Variants in STARD13 observed in about 807,000 individuals in gnomAD.
The protein encoded by STARD13 is stAR-related lipid transfer protein 13.
STARD13 carries 62 observed loss-of-function variants against 106.4 expected under a neutral mutation model. That is an observed-to-expected ratio of 0.58 (90% CI 0.48 to 0.72). The LOEUF is 0.72. STARD13 is among the 30% of genes least tolerant of loss of function. STARD13 has a pLI of 0.00. For missense variants in STARD13, 1,387 were observed against 1,424.0 expected (o/e 0.97, Z 0.42); for synonymous variants, 565 against 553.0 (o/e 1.02, Z -0.31).
intron 1 of STARD13, among the ~76,000 whole-genome samples, chr13:33,272,304 G>T (rs901819902): frequency 6.6e-6 from 1 of 152,140 alleles, no homozygotes; most frequent in Non-Finnish European, 1.5e-5. Context: ...ACTCCAATGG[G>T]CATTTCCTTT....
intron 1 of STARD13, among the ~76,000 whole-genome samples, chr13:33,268,282 A>C (rs1168421475): frequency 1.3e-5 from 2 of 152,148 alleles, no homozygotes; most frequent in Non-Finnish European, 2.9e-5. Flanking sequence ...GGATACTTTA[A>C]ACACTCATTT....
intron 1 of STARD13, among the ~76,000 whole-genome samples, chr13:33,324,481 C>A (rs1241882073): frequency 6.6e-6 from 1 of 152,186 alleles, no homozygotes; most frequent in Non-Finnish European, 1.5e-5. Context: ...CCAACTCTAT[C>A]AAACACAAAA....
the STARD13 span, among the ~76,000 whole-genome samples, chr13:33,357,258 G>A: frequency 3.3e-5 from 5 of 152,318 alleles, no homozygotes; most frequent in African/African-American, 1.2e-4. Context: ...AAGGGGCTGG[G>A]ACCCTTGTCA....
chr13:33,506,774 G>C, the STARD13 span, among the ~76,000 whole-genome samples: 1 of 152,124 alleles, frequency 6.6e-6, no homozygotes, highest in Non-Finnish European at 1.5e-5. Context: ...TTGAGTTTTG[G>C]TATAGTATAA....
At chr13:33,201,986 C>T (rs1312148808) in intron 1 of STARD13, among the ~76,000 whole-genome samples, 1 of 151,980 alleles carries the variant, frequency 6.6e-6, no homozygotes, top group Admixed American at 6.5e-5. Context: ...TAATATCATG[C>T]TGAACATCTT....
chr13:33,367,567 A>G, the STARD13 span, among the ~76,000 whole-genome samples: 3 of 152,134 alleles, frequency 2.0e-5, no homozygotes, highest in Admixed American at 2.0e-4. Context: ...ATGTATTAGA[A>G]CCCCCAGCAG....
chr13:33,583,962 A>AT, the STARD13 span, among the ~76,000 whole-genome samples: 1 of 151,956 alleles, frequency 6.6e-6, no homozygotes, highest in South Asian at 2.1e-4. Flanking sequence ...CCTGCCTTCA[A>AT]TTTTTTAGGG....
the STARD13 span, among the ~76,000 whole-genome samples, chr13:33,660,428 C>T: frequency 6.6e-6 from 1 of 152,162 alleles, no homozygotes; most frequent in Non-Finnish European, 1.5e-5. Flanking sequence ...TACATTTTGT[C>T]TGACTTGTTT....
At chr13:33,234,221 A>T (rs955628814) in intron 1 of STARD13, among the ~76,000 whole-genome samples, 2 of 152,204 alleles carry the variant, frequency 1.3e-5, no homozygotes, top group African/African-American at 4.8e-5. Context: ...CTCGAGATGG[A>T]GAACTACTGA....
In STARD13 at chr13:33,112,791, T is replaced by C. The variant is rs376590353; in HGVS notation, c.2422A>G (p.Met808Val). The change falls in exon 9 of 14, where the codon ATG becomes GTG. Residue 808 changes from methionine (M) to valine (V), a missense_variant. Physicochemically the swap from Met to Val is conservative, Grantham distance 21. Transcript: ENST00000336934. ...GGGGCCAGACACACTGCCAGGTTCATGGGCGTCATCTGATTCTCTTCCACC... is the reference window on the plus strand; with the variant it reads ...GGGGCCAGACACACTGCCAGGTTCACGGGCGTCATCTGATTCTCTTCCACC... ...NLVEENQMTP[M>V]NLAVCLAPSL... 5 of 1,613,836 alleles carry C rather than the reference T, an allele frequency of 3.1e-6. No homozygotes were observed. The highest frequency in any genetic ancestry group is 1.7e-5 in the Admixed American group (1 of 59,974).
the STARD13 span, among the ~76,000 whole-genome samples, chr13:33,360,799 C>CT: frequency 9.3e-4 from 110 of 118,200 alleles, 1 homozygote; most frequent in East Asian, 2.1e-3. Context: ...TTTTTCTTTT[C>CT]TTTTTTTTTT....
At chr13:33,279,151 A>G (rs1371173664) in intron 1 of STARD13, among the ~76,000 whole-genome samples, 1 of 152,142 alleles carries the variant, frequency 6.6e-6, no homozygotes, top group African/African-American at 2.4e-5. Flanking sequence ...ACTCTTGTTA[A>G]TGACATGTCT....
At chr13:33,164,153 T>C (rs960596329) in intron 3 of STARD13, 3 of 152,202 alleles carry the variant, frequency 2.0e-5, no homozygotes, top group Non-Finnish European at 4.4e-5. Flanking sequence ...CTTCCACCCA[T>C]GTAAGCAAGC....
intron 1 of STARD13, among the ~76,000 whole-genome samples, chr13:33,333,477 C>T (rs551159960): frequency 6.6e-6 from 1 of 152,304 alleles, no homozygotes; most frequent in South Asian, 2.1e-4. Context: ...TATTAGGTTC[C>T]TTTAGCTGTA....
At chr13:33,245,831 A>G (rs542768910) in intron 1 of STARD13, among the ~76,000 whole-genome samples, 2 of 152,262 alleles carry the variant, frequency 1.3e-5, no homozygotes, top group South Asian at 4.1e-4. Flanking sequence ...TCTAAAATAG[A>G]TTTTCTTTTC....
At chr13:33,430,700 A>C in the STARD13 span, among the ~76,000 whole-genome samples, 1 of 152,360 alleles carries the variant, frequency 6.6e-6, no homozygotes, top group South Asian at 2.1e-4. Context: ...TAAATGGATA[A>C]AGAAATGTGG....
chr13:33,142,406 C>G, intron 3 of STARD13, 33 bp from the exon 4 acceptor site: 2 of 1,566,424 alleles, frequency 1.3e-6, no homozygotes, highest in Non-Finnish European at 8.8e-7. Context: ...TGATTACTTT[C>G]ACTAATGAAT....
At chr13:33,626,654 T>G in the STARD13 span, among the ~76,000 whole-genome samples, 2,176 of 152,312 alleles carry the variant, frequency 0.014, 47 homozygotes, top group African/African-American at 0.047. Context: ...TATATAATCT[T>G]TACCTACTCT....
chr13:33,381,051 T>C, the STARD13 span, among the ~76,000 whole-genome samples: 1 of 152,144 alleles, frequency 6.6e-6, no homozygotes, highest in African/African-American at 2.4e-5. Flanking sequence ...TTTTTTCTAA[T>C]TTTAGATCAC....
Sources: allele counts gnomAD v4.1 joint callset (sites outside exome capture counted in the v4.1 genomes callset), GRCh38; gene constraint gnomAD v4.1.1; transcripts MANE v1.5; gene names NCBI Gene and HGNC (gene_info 2026-07-23, HGNC 2026-07-21).